ERC1: variants seen among roughly 807,000 people sequenced by gnomAD.
The protein encoded by ERC1 is RAB6 interacting protein 2.
ERC1 carries 56 observed loss-of-function variants against 132.0 expected under a neutral mutation model. The observed-to-expected ratio is 0.42, with a 90% CI of 0.34 to 0.53. ERC1 has a LOEUF of 0.53. ERC1 is among the 20% of genes least tolerant of loss of function. ERC1 has a pLI of 0.03. For synonymous variants in ERC1, 478 were observed against 476.1 expected (o/e 1.00, Z -0.05); for missense variants, 1,202 against 1,349.9 (o/e 0.89, Z 1.72).
chr12:1,427,300 T>C (rs1025642175), intron 17 of ERC1, among the ~76,000 whole-genome samples: 4 of 152,170 alleles, frequency 2.6e-5, no homozygotes, highest in Admixed American at 2.6e-4. Flanking sequence ...TCGATGCCTA[T>C]CAGAACTTTT....
At chr12:1,304,423 G>A (rs940572803) in intron 15 of ERC1, among the ~76,000 whole-genome samples, 3 of 152,212 alleles carry the variant, frequency 2.0e-5, no homozygotes, top group African/African-American at 7.2e-5. Context: ...CCCGTGCCAA[G>A]TCATTGAGGA....
At position 1,116,034 on chromosome 12, in the gene ERC1, G is replaced by A. The variant is rs772286141; in HGVS notation, c.1569+1G>A. The A allele has an allele frequency of 6.2e-7, 1 of 1,607,420 alleles. No homozygotes were observed. Among genetic ancestry groups the A allele is most frequent in the South Asian group, 1.1e-5 (1 of 89,920 alleles). Reference sequence around the variant, plus strand: ...GAGGGCTGCCATCCTGCAGACTGAGGTAGAAACAATTCTGGGATTTGTGGG... The same window carrying A: ...GAGGGCTGCCATCCTGCAGACTGAGATAGAAACAATTCTGGGATTTGTGGG... On this transcript the variant is annotated splice_donor_variant, in intron 7 of 18. Transcript: ENST00000360905. LOFTEE classifies it high-confidence loss of function.
At chr12:1,062,261 T>C (rs544672825) in intron 2 of ERC1, among the ~76,000 whole-genome samples, 208 of 152,062 alleles carry the variant, frequency 1.4e-3, no homozygotes, top group African/African-American at 4.6e-3. Context: ...GGATTACAGG[T>C]GTGAGCCAAT....
At chr12:1,404,942 C>T (rs1460387455) in intron 16 of ERC1, among the ~76,000 whole-genome samples, 1 of 151,790 alleles carries the variant, frequency 6.6e-6, no homozygotes, top group African/African-American at 2.4e-5. Flanking sequence ...AGTTTGAGAC[C>T]AGCCAGGCCA....
intron 12 of ERC1, among the ~76,000 whole-genome samples, chr12:1,196,502 T>G (rs1956248750): frequency 6.6e-6 from 1 of 151,594 alleles, no homozygotes; most frequent in Non-Finnish European, 1.5e-5. Context: ...TGTAGGTTTT[T>G]TTTTTTTTTT....
Position 1,217,944 on chromosome 12 carries a change from T to G in ERC1, c.2352-18825T>G, listed in dbSNP as rs1438464499. ...TACCGGGCAAGAAGAGTCACAAAGC[T>G]TTGCAGACTGGTCTCACATTGAATT... is the stretch of plus-strand genomic sequence containing the variant. On this transcript the variant is annotated intron_variant, in intron 12 of 18. Coordinates refer to ENST00000360905, the MANE Select transcript of ERC1 (RefSeq NM_178040.4). Among the ~76,000 whole-genome samples the G allele has an allele frequency of 4.9e-4, 75 of 152,164 alleles. 1 individual carries two copies. Among genetic ancestry groups the G allele is most frequent in the Admixed American group, 4.9e-3 (75 of 15,278 alleles).
intron 17 of ERC1, 197 bp from the exon 18 acceptor site, chr12:1,444,365 C>T: frequency 4.3e-6 from 2 of 466,122 alleles, no homozygotes; most frequent in Non-Finnish European, 3.8e-6. Flanking sequence ...AGGGCGGCTG[C>T]GTGTGACAGC....
At chr12:1,058,789 G>GTTTT (rs33992098) in intron 2 of ERC1, among the ~76,000 whole-genome samples, 13,495 of 129,722 alleles carry the variant, frequency 0.1, 1,515 homozygotes, top group African/African-American at 0.27. Context: ...TGGAAAGTAT[G>GTTTT]TTTTTTTTTT....
chr12:1,364,084 G>A (rs1005797583), intron 15 of ERC1, among the ~76,000 whole-genome samples: 5 of 152,298 alleles, frequency 3.3e-5, no homozygotes, highest in East Asian at 3.9e-4. Context: ...GCATTTAAGC[G>A]TAAATGTGAT....
chr12:1,067,352 T>C (rs1316902813), intron 2 of ERC1, among the ~76,000 whole-genome samples: 2 of 152,200 alleles, frequency 1.3e-5, no homozygotes, highest in Non-Finnish European at 2.9e-5. Flanking sequence ...ATTCTAAATA[T>C]ATGTAACTTT....
chr12:1,236,953 C>T (rs763657798), intron 13 of ERC1, 49 bp downstream of exon 13: 56 of 1,596,822 alleles, frequency 3.5e-5, no homozygotes, highest in South Asian at 4.5e-5. Context: ...ACATTTGATC[C>T]GTAATCGCAT....
At position 1,110,218 on chromosome 12, in the gene ERC1, T is replaced by G. The variant is rs1945703928; in HGVS notation, c.1188T>G (p.Arg396=). The G allele has an allele frequency of 6.2e-7, 1 of 1,613,290 alleles. No homozygotes were observed. The highest frequency in any genetic ancestry group is 8.5e-7 in the Non-Finnish European group (1 of 1,179,688). The change falls in exon 5 of 19, where the codon CGT becomes CGG. Residue 396 remains arginine (R), a synonymous_variant. Transcript: ENST00000360905. ...MKDSKISSME[R]GLRDLEEEIQ... ...ATTCAAAAATTTCCTCTATGGAGCG[T>G]GGGCTTCGAGACCTGGAAGAGGAAA...
rs1200967104 is a variant in ERC1, at chr12:1,028,174, C to T, written c.271C>T (p.Leu91Phe). 6.2e-7 allele frequency: 1 copy of T among 1,614,212 alleles called. No individual in the cohort carries two copies. Among genetic ancestry groups the T allele is most frequent in the East Asian group, 2.2e-5 (1 of 44,886 alleles). Residue 91 changes from leucine to phenylalanine, a missense_variant, in exon 2 of 19, where the codon CTT becomes TTT. Leu to Phe is a conservative substitution (Grantham distance 22). Coordinates refer to ENST00000360905, the MANE Select transcript of ERC1 (RefSeq NM_178040.4). ...AGAAACACCTAAAAGCACCATGACA[C>T]TTGGCCGTTCTGGGGGACGTCTGCC... ...GSETPKSTMT[L>F]GRSGGRLPYG...
chr12:1,123,436 G>C (rs999425393), intron 7 of ERC1, among the ~76,000 whole-genome samples: 1 of 152,050 alleles, frequency 6.6e-6, no homozygotes, highest in Non-Finnish European at 1.5e-5. Flanking sequence ...ATAAATCTCA[G>C]TTGGGCTAAA....
At chr12:1,069,450 G>T (rs541441514) in intron 2 of ERC1, among the ~76,000 whole-genome samples, 11 of 152,226 alleles carry the variant, frequency 7.2e-5, no homozygotes, top group African/African-American at 2.6e-4. Flanking sequence ...ATAGATGGAG[G>T]TGTAATTTAT....
At chr12:1,314,237 AT>A (rs1457772163) in intron 15 of ERC1, among the ~76,000 whole-genome samples, 3 of 152,226 alleles carry the variant, frequency 2.0e-5, no homozygotes, top group Non-Finnish European at 4.4e-5. Flanking sequence ...AAATGAGAAC[AT>A]TGATCATAAT....
chr12:1,015,484 C>T (rs1053098499), intron 1 of ERC1, among the ~76,000 whole-genome samples: 3 of 152,132 alleles, frequency 2.0e-5, no homozygotes, highest in South Asian at 2.1e-4. Flanking sequence ...GAAATTTAAG[C>T]GGTCTCCTTG....
Position 1,182,009 on chromosome 12 carries a change from C to G in ERC1, c.1960C>G (p.Leu654Val), listed in dbSNP as rs1312321622. 6.2e-7 allele frequency: 1 copy of G among 1,613,956 alleles called. No homozygotes were observed. The highest frequency in any genetic ancestry group is 2.2e-5 in the East Asian group (1 of 44,860). Reference sequence around the variant, plus strand: ...GGAAATTGATAACTACAAAAAAGATCTTAAAGACTTGAAGGAAAAAGTCAG... The same window carrying G: ...GGAAATTGATAACTACAAAAAAGATGTTAAAGACTTGAAGGAAAAAGTCAG... ...QEEIDNYKKD[L>V]KDLKEKVSLL... Residue 654 changes from leucine (L) to valine (V), a missense_variant, in exon 10 of 19, where the codon CTT (leucine) becomes GTT (valine). Leu to Val is a conservative substitution (Grantham distance 32). Transcript: ENST00000360905.
At chr12:1,137,256 G>A (rs575310184) in intron 7 of ERC1, among the ~76,000 whole-genome samples, 14 of 151,072 alleles carry the variant, frequency 9.3e-5, no homozygotes, top group South Asian at 2.1e-4. Flanking sequence ...GCGCCACCAC[G>A]CCAAGCTAAT....
Sources: allele counts gnomAD v4.1 joint callset (sites outside exome capture counted in the v4.1 genomes callset), GRCh38; gene constraint gnomAD v4.1.1; transcripts MANE v1.5; gene names NCBI Gene and HGNC (gene_info 2026-07-23, HGNC 2026-07-21).